Variants in PIP4K2A observed in about 807,000 individuals in gnomAD.
The protein encoded by PIP4K2A is phosphatidylinositol 5-phosphate 4-kinase type-2 alpha.
A neutral mutation model predicts 42.9 loss-of-function variants in PIP4K2A; 14 were observed. That is an observed-to-expected ratio of 0.33 (90% CI 0.22 to 0.51). PIP4K2A has a LOEUF of 0.51. Ranked by LOEUF, PIP4K2A falls within the 20% of genes least tolerant of loss-of-function variation. The pLI is 0.97. For synonymous variants in PIP4K2A, 192 were observed against 192.2 expected (o/e 1.00, Z 0.01); for missense variants, 434 against 519.8 (o/e 0.83, Z 1.61).
intron 6 of PIP4K2A, among the ~76,000 whole-genome samples, chr10:22,565,656 A>G (rs1316949484): frequency 1.3e-5 from 2 of 152,230 alleles, no homozygotes; most frequent in African/African-American, 4.8e-5. Context: ...ACAGGATAAC[A>G]GCAATTGTTC....
At chr10:22,583,768 G>A (rs1837330515) in intron 4 of PIP4K2A, among the ~76,000 whole-genome samples, 1 of 152,252 alleles carries the variant, frequency 6.6e-6, no homozygotes, top group Non-Finnish European at 1.5e-5. Context: ...AGGAAAGCAA[G>A]TGTAGCCACA....
chr10:22,597,394 G>GA (rs1837657687), intron 3 of PIP4K2A, among the ~76,000 whole-genome samples: 1 of 152,144 alleles, frequency 6.6e-6, no homozygotes, highest in African/African-American at 2.4e-5. Flanking sequence ...TCACATTTCT[G>GA]ACCATGTGGC....
chr10:22,581,545 A>T (rs1013665105), intron 4 of PIP4K2A, among the ~76,000 whole-genome samples: 9 of 141,004 alleles, frequency 6.4e-5, no homozygotes, highest in African/African-American at 2.4e-4. Context: ...AGCCAGGGCA[A>T]CACAGGGAGA....
At chr10:22,643,351 T>G (rs1838817952) in intron 1 of PIP4K2A, among the ~76,000 whole-genome samples, 1 of 152,148 alleles carries the variant, frequency 6.6e-6, no homozygotes. Context: ...ATGATAGAAG[T>G]TTGAGTCACT....
chr10:22,607,879 G>T, intron 3 of PIP4K2A, 48 bp downstream of exon 3: 1 of 1,215,846 alleles, frequency 8.2e-7, no homozygotes, highest in Non-Finnish European at 1.2e-6. Flanking sequence ...CAAAAGTCAT[G>T]GCAAAACCCA....
At chr10:22,591,995 A>G (rs759707650) in intron 3 of PIP4K2A, among the ~76,000 whole-genome samples, 3 of 152,252 alleles carry the variant, frequency 2.0e-5, no homozygotes, top group Non-Finnish European at 4.4e-5. Context: ...GAATTGTACT[A>G]TGATTCTAAT....
At chr10:22,580,859 C>A (rs1044740071) in intron 4 of PIP4K2A, among the ~76,000 whole-genome samples, 3 of 152,158 alleles carry the variant, frequency 2.0e-5, no homozygotes, top group Non-Finnish European at 4.4e-5. Context: ...TCCCTTTCTG[C>A]GATGGTAATG....
At chr10:22,544,810 T>C (rs1836221540) in intron 7 of PIP4K2A, among the ~76,000 whole-genome samples, 1 of 152,226 alleles carries the variant, frequency 6.6e-6, no homozygotes, top group South Asian at 2.1e-4. Flanking sequence ...TGGGGCCCAC[T>C]TGAGCTCTGC....
chr10:22,575,989 TAC>T (rs1837108868), intron 4 of PIP4K2A, among the ~76,000 whole-genome samples: 1 of 152,032 alleles, frequency 6.6e-6, no homozygotes, highest in Admixed American at 6.6e-5. Context: ...TCAGCAAGTC[TAC>T]ACACAGTTGT....
At chr10:22,633,894 G>A (rs748973122) in intron 1 of PIP4K2A, among the ~76,000 whole-genome samples, 25 of 152,242 alleles carry the variant, frequency 1.6e-4, no homozygotes, top group Admixed American at 1.2e-3. Context: ...CTCAGATGCA[G>A]TGCTAGGAGC....
rs35360085 is a variant in PIP4K2A, at chr10:22,683,239, T to G, written c.144+30944A>C. Among the ~76,000 whole-genome samples the G allele has an allele frequency of 3.0e-4, 45 of 152,094 alleles. 1 individual carries two copies. In the South Asian group the frequency reaches 8.7e-3, roughly 29 times the overall value. ...GGACTGCTCTCTGACTCAACTCTTATGAGTTCTGCTCATACCACCGAGTCA... is the reference window on the plus strand; with the variant it reads ...GGACTGCTCTCTGACTCAACTCTTAGGAGTTCTGCTCATACCACCGAGTCA... On this transcript the variant is annotated intron_variant, in intron 1 of 9. Coordinates refer to ENST00000376573, the MANE Select transcript of PIP4K2A (RefSeq NM_005028.5).
At chr10:22,539,885 AGGAGAGAGAGAGAGAGAGAGAGAGAG>A (rs1404465516) in intron 9 of PIP4K2A, 60 bp downstream of exon 9, 34 of 759,930 alleles carry the variant, frequency 4.5e-5, no homozygotes, top group Admixed American at 1.5e-4. Flanking sequence ...CAGAGGAGCC[AGGAGAGAGAGAGAGAGAGAGAGAGAG>A]GGAGAGAGAG....
chr10:22,667,929 G>T, intron 1 of PIP4K2A, among the ~76,000 whole-genome samples: 1 of 123,558 alleles, frequency 8.1e-6, no homozygotes, highest in Non-Finnish European at 1.8e-5. Context: ...AGAGGGGGAG[G>T]GAGGGAGACA....
At chr10:22,663,460 C>CT (rs375581753) in intron 1 of PIP4K2A, among the ~76,000 whole-genome samples, 23 of 152,162 alleles carry the variant, frequency 1.5e-4, no homozygotes, top group African/African-American at 5.3e-4. Context: ...GCCAATTCAA[C>CT]TTTTTTCTAA....
intron 1 of PIP4K2A, among the ~76,000 whole-genome samples, chr10:22,689,086 G>A (rs1257842606): frequency 6.6e-6 from 1 of 152,146 alleles, no homozygotes; most frequent in African/African-American, 2.4e-5. Context: ...GCACAAGGGT[G>A]GGTCTGGTGG....
intron 1 of PIP4K2A, among the ~76,000 whole-genome samples, chr10:22,710,314 G>C (rs1184163271): frequency 6.6e-6 from 1 of 152,166 alleles, no homozygotes; most frequent in East Asian, 1.9e-4. Context: ...AAACTGCCTG[G>C]CAGGCCCTTT....
At chr10:22,694,758 AT>A (rs1227942872) in intron 1 of PIP4K2A, 1 of 152,224 alleles carries the variant, frequency 6.6e-6, no homozygotes, top group Admixed American at 6.5e-5. Context: ...GTGCTTTTGT[AT>A]CTTTTGTACA....
chr10:22,572,110 G>A (rs1417615219), intron 5 of PIP4K2A, among the ~76,000 whole-genome samples: 1 of 152,224 alleles, frequency 6.6e-6, no homozygotes, highest in East Asian at 1.9e-4. Context: ...GTAAGAGCGT[G>A]AAAGCGTTGA....
chr10:22,683,994 A>G (rs562816505), intron 1 of PIP4K2A, among the ~76,000 whole-genome samples: 2 of 152,268 alleles, frequency 1.3e-5, no homozygotes, highest in East Asian at 3.9e-4. Flanking sequence ...AATACCCATT[A>G]GAAACTGAAT....
Sources: allele counts gnomAD v4.1 joint callset (sites outside exome capture counted in the v4.1 genomes callset), GRCh38; gene constraint gnomAD v4.1.1; transcripts MANE v1.5; gene names NCBI Gene and HGNC (gene_info 2026-07-23, HGNC 2026-07-21).